The following ZCCHC24 variants were observed in gnomAD, a reference collection of about 807,000 sequenced individuals.
ZCCHC24 encodes zinc finger CCHC domain-containing protein 24.
Under a neutral mutation model 26.2 loss-of-function variants are expected in ZCCHC24, and 10 were observed. That is an observed-to-expected ratio of 0.38 (90% confidence interval 0.24 to 0.65). The LOEUF is 0.65. ZCCHC24 is among the 30% of genes least tolerant of loss of function. ZCCHC24 has a pLI of 0.54. For synonymous variants in ZCCHC24, 144 were observed against 147.1 expected (o/e 0.98, Z 0.15); for missense variants, 243 against 329.1 (o/e 0.74, Z 2.03).
chr10:79,445,064 G>T, intron 1 of ZCCHC24, 131 bp downstream of exon 1: 1 of 995,616 alleles, frequency 1.0e-6, no homozygotes, highest in Non-Finnish European at 1.3e-6. Context: ...ACGAAGCCAA[G>T]CCAAGCCGGG....
chr10:79,399,109 G>A (rs1325377726), intron 2 of ZCCHC24, among the ~76,000 whole-genome samples: 1 of 152,164 alleles, frequency 6.6e-6, no homozygotes, highest in African/African-American at 2.4e-5. Flanking sequence ...TCAGGCCTTG[G>A]CGGTGACCTC....
chr10:79,431,926 T>C (rs1324444750), intron 2 of ZCCHC24, among the ~76,000 whole-genome samples: 6 of 152,144 alleles, frequency 3.9e-5, no homozygotes, highest in Non-Finnish European at 8.8e-5. Context: ...TGGGCTGGCA[T>C]GGTAGGCCCA....
In ZCCHC24 at chr10:79,415,745, G is replaced by A. The variant is rs1020286275; in HGVS notation, c.447+16813C>T. ...AGTGACAGAGGCTGTTAGAGCCTCT[G>A]CCCAACTTCAGCTTAATTCTGATGC... On this transcript the variant is annotated intron_variant, in intron 2 of 3. Coordinates refer to ENST00000372336, the MANE Select transcript of ZCCHC24 (RefSeq NM_153367.4). 3.9e-5 allele frequency among the ~76,000 whole-genome samples: 6 copies of A among 152,246 alleles called. No homozygotes were observed. In the South Asian group the frequency reaches 8.3e-4, roughly 21 times the overall value.
At chr10:79,425,007 A>G (rs749957891) in intron 2 of ZCCHC24, among the ~76,000 whole-genome samples, 15 of 152,120 alleles carry the variant, frequency 9.9e-5, no homozygotes, top group Non-Finnish European at 2.1e-4. Flanking sequence ...TATCCAGCAC[A>G]GGCCTGGTGC....
chr10:79,423,792 C>A (rs984838348), intron 2 of ZCCHC24, among the ~76,000 whole-genome samples: 3 of 150,262 alleles, frequency 2.0e-5, no homozygotes, highest in Non-Finnish European at 3.0e-5. Flanking sequence ...CCAAGGCAGG[C>A]GGATCACTTG....
intron 3 of ZCCHC24, among the ~76,000 whole-genome samples, chr10:79,387,257 C>T (rs1340515714): frequency 4.6e-5 from 7 of 152,298 alleles, no homozygotes; most frequent in Middle Eastern, 3.4e-3. Context: ...AGGGAGCCTC[C>T]GTTTCCATAT....
At chr10:79,439,836 C>T (rs1468673286) in intron 1 of ZCCHC24, among the ~76,000 whole-genome samples, 3 of 150,964 alleles carry the variant, frequency 2.0e-5, no homozygotes, top group Non-Finnish European at 4.4e-5. Context: ...GCACCTACAA[C>T]TCATCTTTCA....
At chr10:79,402,257 A>G (rs1856642942) in intron 2 of ZCCHC24, among the ~76,000 whole-genome samples, 1 of 151,760 alleles carries the variant, frequency 6.6e-6, no homozygotes, top group African/African-American at 2.4e-5. Context: ...TGTCTTAGAT[A>G]CTTGGTTTTT....
intron 2 of ZCCHC24, among the ~76,000 whole-genome samples, chr10:79,409,720 C>T (rs1382100420): frequency 6.6e-6 from 1 of 152,234 alleles, no homozygotes; most frequent in East Asian, 1.9e-4. Context: ...TGGCTATTGT[C>T]CCTGATGGTC....
At chr10:79,399,349 C>T (rs555178412) in intron 2 of ZCCHC24, among the ~76,000 whole-genome samples, 12 of 152,358 alleles carry the variant, frequency 7.9e-5, no homozygotes, top group African/African-American at 2.9e-4. Context: ...GGCCTCTTCT[C>T]ATAAACTTCA....
At chr10:79,404,210 C>T (rs1402023254) in intron 2 of ZCCHC24, among the ~76,000 whole-genome samples, 5 of 152,230 alleles carry the variant, frequency 3.3e-5, no homozygotes, top group South Asian at 2.1e-4. Context: ...GCCCTGTGCC[C>T]GGCCCTGAGG....
Position 79,445,257 on chromosome 10 carries a change from G to A in ZCCHC24, c.184C>T (p.Gln62Ter). The A allele has an allele frequency of 1.4e-6, 2 of 1,425,460 alleles. No homozygotes were observed. The highest frequency in any genetic ancestry group is 1.4e-5 in the South Asian group (1 of 69,490). 88.3% of individuals were successfully genotyped at this position (1,425,460 alleles called of 1,614,324 possible). ...CTGGAGTGCAGGGGCGAGCCCAGCT[G>A]CTCGGGGCGGCCCTTGCCGAAGGCC... ...ELAFGKGRPE[Q>*]LGSPLHSSYL... is the part of the protein sequence containing the mutation. The change falls in exon 1 of 4, where the codon CAG (glutamine) becomes TAG (stop). Residue 62 changes from glutamine (Q) to a stop codon, truncating the protein, a stop_gained. Coordinates refer to ENST00000372336, the MANE Select transcript of ZCCHC24 (RefSeq NM_153367.4). LOFTEE classifies it high-confidence loss of function.
At chr10:79,413,672 G>A (rs1856821832) in intron 2 of ZCCHC24, among the ~76,000 whole-genome samples, 1 of 152,128 alleles carries the variant, frequency 6.6e-6, no homozygotes, top group Admixed American at 6.5e-5. Context: ...CAGGGCCCTG[G>A]GTTTGGATGC....
At chr10:79,444,244 G>C (rs1857329154) in intron 1 of ZCCHC24, 1 of 1,467,726 alleles carries the variant, frequency 6.8e-7, no homozygotes, top group South Asian at 1.4e-5. Context: ...AATGAGGCAG[G>C]AGTAAATGGA....
intron 1 of ZCCHC24, among the ~76,000 whole-genome samples, chr10:79,441,329 C>G (rs773144197): frequency 6.6e-6 from 1 of 152,110 alleles, no homozygotes; most frequent in Non-Finnish European, 1.5e-5. Flanking sequence ...ATGTACTCCT[C>G]TAAGGGTTTT....
At position 79,418,977 on chromosome 10, in the gene ZCCHC24, G is replaced by A. The variant is rs1401678850; in HGVS notation, c.447+13581C>T. On this transcript the variant is annotated intron_variant, in intron 2 of 3. Transcript: ENST00000372336. ...GAAAGGCATTGCAGACTCGGGGACA[G>A]TGTGAGCAAGGCCTTGAGGCTGAGA... 4.6e-5 allele frequency among the ~76,000 whole-genome samples: 7 copies of A among 152,190 alleles called. No homozygotes were observed. The East Asian group carries it at 1.3e-3, about 29-fold the overall frequency.
chr10:79,432,499 G>A (rs1857145510), intron 2 of ZCCHC24, 59 bp downstream of exon 2: 2 of 1,546,628 alleles, frequency 1.3e-6, no homozygotes, highest in Non-Finnish European at 1.7e-6. Flanking sequence ...ACCCACAGGA[G>A]CCTGTCCGCA....
chr10:79,438,385 G>A (rs1465654264), intron 1 of ZCCHC24, among the ~76,000 whole-genome samples: 1 of 152,194 alleles, frequency 6.6e-6, no homozygotes, highest in Non-Finnish European at 1.5e-5. Flanking sequence ...TACAGAGGTG[G>A]ACACCAGCCG....
chr10:79,431,975 G>T (rs1297250993), intron 2 of ZCCHC24, among the ~76,000 whole-genome samples: 1 of 152,084 alleles, frequency 6.6e-6, no homozygotes. Context: ...TGGGGGCCTC[G>T]ATCTGCCCGA....
Sources: gnomAD v4.1 joint callset for allele counts (sites outside exome capture counted in the v4.1 genomes callset) on GRCh38, gnomAD v4.1.1 for gene constraint, MANE v1.5 for transcripts, NCBI Gene and HGNC (gene_info 2026-07-23, HGNC 2026-07-21) for gene names.